PADI2: variants seen among roughly 807,000 people sequenced by gnomAD.
The protein encoded by PADI2 is protein-arginine deiminase type-2.
PADI2 carries 70 observed loss-of-function variants against 81.1 expected under a neutral mutation model. The observed-to-expected ratio is 0.86, with a 90% confidence interval of 0.71 to 1.05. PADI2 has a LOEUF of 1.05. Ranked by LOEUF, PADI2 falls within the 50% of genes least tolerant of loss-of-function variation. The pLI, the probability that PADI2 is intolerant of heterozygous loss-of-function variation, is 0.00. For missense variants in PADI2, 853 were observed against 889.9 expected (o/e 0.96, Z 0.53); for synonymous variants, 338 against 358.0 (o/e 0.94, Z 0.63).
chr1:17,080,183 C>A (rs192544577), intron 10 of PADI2, among the ~76,000 whole-genome samples: 1 of 152,210 alleles, frequency 6.6e-6, no homozygotes, highest in Non-Finnish European at 1.5e-5. Context: ...CTACCCTCTG[C>A]GCAGTAAGAG....
At position 17,092,313 on chromosome 1, in the gene PADI2, C is replaced by T. The variant is rs572402235; in HGVS notation, c.655+95G>A. ...TCACTCAGAGACCAATCCAGGTCTTCCCCAGGCACCTGCACCTGTGAAGGC... is the reference window on the plus strand; with the variant it reads ...TCACTCAGAGACCAATCCAGGTCTTTCCCAGGCACCTGCACCTGTGAAGGC... On this transcript the variant is annotated intron_variant, in intron 6 of 15. Transcript: ENST00000375486. 38 of 1,055,376 alleles carry T rather than the reference C, an allele frequency of 3.6e-5. No homozygotes were observed. The African/African-American group carries it at 5.0e-4, about 14-fold the overall frequency. 65.4% of individuals were successfully genotyped at this position (1,055,376 alleles called of 1,614,324 possible). A position where few individuals can be genotyped will look rare whatever the true frequency, so the allele number is the denominator to read the frequency against.
In PADI2 at chr1:17,069,187, G is replaced by T. The variant is rs149369913; in HGVS notation, c.1855C>A (p.Arg619Ser). The change falls in exon 16 of 16, where the codon CGT (arginine) becomes AGT (serine). Residue 619 changes from arginine to serine, a missense_variant. Physicochemically the swap from Arg to Ser is moderately radical, Grantham distance 110 (BLOSUM62 -1). Coordinates refer to ENST00000375486, the MANE Select transcript of PADI2 (RefSeq NM_007365.3). ...EEECCLEMHVRGLLEPLGLEC... is the reference protein window; with the variant it reads ...EEECCLEMHVSGLLEPLGLEC... ...AGGCCCAGGGGCTCCAGGAGGCCAC[G>T]CACGTGCATCTCCAGGCAGCATTCC... 5 of 1,614,200 alleles carry T rather than the reference G, an allele frequency of 3.1e-6. No homozygotes were observed. The highest frequency in any genetic ancestry group is 4.2e-6 in the Non-Finnish European group (5 of 1,180,006).
Position 17,069,235 on chromosome 1 carries a change from G to A in PADI2, c.1807C>T (p.Pro603Ser), listed in dbSNP as rs765938729. The A allele has an allele frequency of 1.2e-6, 2 of 1,614,214 alleles. No individual in the cohort carries two copies. The highest frequency in any genetic ancestry group is 1.7e-6 in the Non-Finnish European group (2 of 1,180,026). ...VLDKDLGIPK[P>S]FGPQVEEECC... ...TCCTCCTCAACCTGTGGCCCGAATG[G>A]CTTGGGGATGCCCAGGTCCTTGTCC... Residue 603 changes from proline (P) to serine (S), a missense_variant, in exon 16 of 16, where the codon CCA becomes TCA. Coordinates refer to ENST00000375486, the MANE Select transcript of PADI2 (RefSeq NM_007365.3).
rs140819882 is a variant in PADI2 at position 17,084,546 on chromosome 1, C to T, written c.938+53G>A. 820 of 1,098,958 alleles carry T rather than the reference C, an allele frequency of 7.5e-4. 3 individuals are homozygous for T. Among genetic ancestry groups the T allele is most frequent in the East Asian group, 6.7e-3 (257 of 38,500 alleles). 68.1% of individuals were successfully genotyped at this position (1,098,958 alleles called of 1,614,324 possible). ...GAACTAGACTCATGTCCATCTGACT[C>T]GGCCCTTGGCCACTCTGCCACGCTG... is the stretch of plus-strand genomic sequence containing the variant. On this transcript the variant is annotated intron_variant, in intron 8 of 15. Transcript: ENST00000375486.
At chr1:17,095,718 C>A (rs953560764) in intron 4 of PADI2, among the ~76,000 whole-genome samples, 191 bp downstream of exon 4, 7 of 152,172 alleles carry the variant, frequency 4.6e-5, no homozygotes, top group Non-Finnish European at 2.9e-5. Flanking sequence ...GACTCAGGAG[C>A]CTGCTCTGTT....
intron 8 of PADI2, among the ~76,000 whole-genome samples, chr1:17,084,237 G>A (rs1182844657): frequency 6.6e-6 from 1 of 152,178 alleles, no homozygotes; most frequent in Admixed American, 6.5e-5. Context: ...TCTTGCTGTT[G>A]TGGACCTAGC....
At chr1:17,080,452 G>A (rs1454507054) in intron 10 of PADI2, among the ~76,000 whole-genome samples, 1 of 152,192 alleles carries the variant, frequency 6.6e-6, no homozygotes, top group East Asian at 1.9e-4. Context: ...CTAGAGTAAG[G>A]AAGGCATAAA....
rs1011189237 is a variant in PADI2, at chr1:17,069,139, TGTC to T, written c.1900_1902del (p.Asp634del). On this transcript the variant is annotated inframe_deletion, in exon 16 of 16. Transcript: ENST00000375486. ...CCCAGAAATTTGTGGTAGGCAGAAA[TGTC>T]GTCGATGAAGGTGCATTCGAGGCCC... 33 of 1,614,100 alleles carry T rather than the reference TGTC, an allele frequency of 2.0e-5. No individual in the cohort carries two copies. Among genetic ancestry groups the T allele is most frequent in the Non-Finnish European group, 2.8e-5 (33 of 1,180,054 alleles).
chr1:17,101,841 T>A (rs1012535191), intron 3 of PADI2, among the ~76,000 whole-genome samples: 2 of 152,248 alleles, frequency 1.3e-5, no homozygotes, highest in African/African-American at 4.8e-5. Context: ...GTTTTACCTT[T>A]TCTGAGCCTT....
chr1:17,079,304 A>G lies in PADI2; in HGVS notation c.1270T>C (p.Tyr424His), dbSNP rs760454698. The G allele has an allele frequency of 1.9e-6, 3 of 1,614,074 alleles. No individual in the cohort carries two copies. The South Asian group carries it at 3.3e-5, about 18-fold the overall frequency. The change falls in exon 11 of 16, where the codon TAC (tyrosine) becomes CAC (histidine). Residue 424 changes from tyrosine to histidine, a missense_variant. By Grantham distance (83) the Tyr-to-His change is moderately conservative. Coordinates refer to ENST00000375486, the MANE Select transcript of PADI2 (RefSeq NM_007365.3). The stretch of plus-strand genomic sequence containing the variant: ...CCGATGAGGATGCGGCCAAGCGGGT[A>G]TGTCTTGCCGTTCACGGTCACTGGG... ...SPPVTVNGKT[Y>H]PLGRILIGSS...
chr1:17,072,397 T>C (rs2101570801), intron 13 of PADI2, among the ~76,000 whole-genome samples: 1 of 152,336 alleles, frequency 6.6e-6, no homozygotes, highest in Admixed American at 6.5e-5. Flanking sequence ...TGTGATTTTC[T>C]AAAACTGATC....
At chr1:17,100,363 C>A (rs1931099716) in intron 3 of PADI2, among the ~76,000 whole-genome samples, 1 of 152,226 alleles carries the variant, frequency 6.6e-6, no homozygotes, top group Non-Finnish European at 1.5e-5. Flanking sequence ...CAGCTCACTG[C>A]AACCTCTGTC....
chr1:17,106,464 A>AGAT (rs1431230360), intron 1 of PADI2, among the ~76,000 whole-genome samples: 2 of 141,478 alleles, frequency 1.4e-5, no homozygotes, highest in Admixed American at 7.2e-5. Flanking sequence ...TTTTTTTTTG[A>AGAT]GATGGAGTCT....
chr1:17,072,246 G>A (rs2078269136), intron 13 of PADI2, among the ~76,000 whole-genome samples: 1 of 152,188 alleles, frequency 6.6e-6, no homozygotes. Context: ...CCTCATCTGG[G>A]AAGAGACTGC....
chr1:17,088,906 CAAAAAA>C (rs753463253), intron 6 of PADI2, among the ~76,000 whole-genome samples: 2 of 38,820 alleles, frequency 5.2e-5, no homozygotes, highest in Non-Finnish European at 1.1e-4. Context: ...GACTCCATCT[CAAAAAA>C]AAAAAAAAAA....
intron 6 of PADI2, among the ~76,000 whole-genome samples, chr1:17,087,003 G>T (rs1930492811): frequency 1.3e-5 from 2 of 152,172 alleles, no homozygotes; most frequent in South Asian, 4.1e-4. Flanking sequence ...AGCAGTTAGT[G>T]GTTCCAGGGG....
At chr1:17,090,178 C>A (rs938926835) in intron 6 of PADI2, among the ~76,000 whole-genome samples, 3 of 152,246 alleles carry the variant, frequency 2.0e-5, no homozygotes, top group African/African-American at 7.2e-5. Context: ...ATAATCTCAA[C>A]AAAAGCCATA....
At chr1:17,092,233 TG>T (rs1407085204) in intron 6 of PADI2, among the ~76,000 whole-genome samples, 174 bp downstream of exon 6, 1 of 152,096 alleles carries the variant, frequency 6.6e-6, no homozygotes, top group Non-Finnish European at 1.5e-5. Flanking sequence ...GGAGGAGCGA[TG>T]TGTCCCCATG....
At chr1:17,110,934 T>C (rs1931558109) in intron 1 of PADI2, among the ~76,000 whole-genome samples, 1 of 152,140 alleles carries the variant, frequency 6.6e-6, no homozygotes, top group Admixed American at 6.6e-5. Flanking sequence ...GCAGGAGGGC[T>C]GGAGGAGGCG....
Sources: gnomAD v4.1 joint callset for allele counts (sites outside exome capture counted in the v4.1 genomes callset) on GRCh38, gnomAD v4.1.1 for gene constraint, MANE v1.5 for transcripts, NCBI Gene and HGNC (gene_info 2026-07-23, HGNC 2026-07-21) for gene names.